The following PLEKHA7 variants were observed in gnomAD, a reference collection of about 807,000 sequenced individuals.
The protein encoded by PLEKHA7 is pleckstrin homology domain containing A7.
PLEKHA7 carries 104 observed loss-of-function variants against 170.0 expected under a neutral mutation model. The observed-to-expected ratio is 0.61, with a 90% CI of 0.52 to 0.72. The LOEUF is 0.72. Among genes scored for constraint, PLEKHA7 ranks in the 30% least tolerant of loss-of-function variants. The probability of loss-of-function intolerance (pLI) is 0.00; values close to 1 mark genes in which losing one functional copy is unlikely to be tolerated. For missense variants in PLEKHA7, 1,615 were observed against 1,671.7 expected, an observed-to-expected ratio of 0.97 and a Z score of 0.59; for synonymous variants, 648 against 660.8, an observed-to-expected ratio of 0.98 and a Z score of 0.30.
intron 3 of PLEKHA7, among the ~76,000 whole-genome samples, chr11:16,892,432 G>GTGTGTTT (rs1554964931): frequency 7.2e-4 from 83 of 115,022 alleles, no homozygotes; most frequent in South Asian, 5.3e-3. Flanking sequence ...GTGTGTGTGT[G>GTGTGTTT]TGTTTTGTTT....
rs775136335 is a variant in PLEKHA7, at chr11:16,822,502, GAAAAAAAAA to G, written c.1343+3609_1343+3617del. Among the ~76,000 whole-genome samples the G allele has an allele frequency of 1.3e-4, 10 of 78,928 alleles. No homozygotes were observed. In the East Asian group the frequency reaches 1.5e-3, roughly 12 times the overall value. 51.8% of individuals were successfully genotyped at this position (78,928 alleles called of 152,430 possible). A position where few individuals can be genotyped will look rare whatever the true frequency, so the allele number is the denominator to read the frequency against. On this transcript the variant is annotated intron_variant, in intron 10 of 26. Coordinates refer to ENST00000531066, the MANE Select transcript of PLEKHA7 (RefSeq NM_001329630.2). ...TCTCAAGTGTCTGCTTTTGGTAGGGGAAAAAAAAAAAAAAAAAAAAAAAAGGAAAGAAGG... is the reference window on the plus strand; with the variant it reads ...TCTCAAGTGTCTGCTTTTGGTAGGGGAAAAAAAAAAAAAAAGGAAAGAAGG...
At chr11:16,838,697 T>TTC (rs1178319877) in intron 9 of PLEKHA7, among the ~76,000 whole-genome samples, 19 of 143,014 alleles carry the variant, frequency 1.3e-4, no homozygotes, top group Non-Finnish European at 2.1e-4. Flanking sequence ...AGTTTTCTTT[T>TTC]TTTTTTTTTT....
At position 16,920,408 on chromosome 11, in the gene PLEKHA7, T is replaced by TC. The variant is rs1859002507; in HGVS notation, c.222-49227dup. Among the ~76,000 whole-genome samples, 4 of 152,052 alleles carry TC rather than the reference T, an allele frequency of 2.6e-5. No homozygotes were observed. The South Asian group carries it at 8.3e-4, about 32-fold the overall frequency. On this transcript the variant is annotated intron_variant, in intron 3 of 26. Coordinates refer to ENST00000531066, the MANE Select transcript of PLEKHA7 (RefSeq NM_001329630.2). Reference sequence around the variant, plus strand: ...ATAAATAACAAGCAAATAGCAAATCTCCCCTGACAAAAACAAATGTCCCCA... The same window carrying TC: ...ATAAATAACAAGCAAATAGCAAATCTCCCCCTGACAAAAACAAATGTCCCCA...
At chr11:16,891,766 A>T (rs1165055485) in intron 3 of PLEKHA7, among the ~76,000 whole-genome samples, 1 of 152,198 alleles carries the variant, frequency 6.6e-6, no homozygotes, top group African/African-American at 2.4e-5. Context: ...CAGAGGAGAA[A>T]GCTGGAGGAA....
intron 3 of PLEKHA7, among the ~76,000 whole-genome samples, chr11:16,898,127 T>C (rs1857111810): frequency 1.3e-5 from 2 of 152,194 alleles, no homozygotes; most frequent in Admixed American, 6.5e-5. Flanking sequence ...CTGCTTTCCA[T>C]GAAGTCACAT....
intron 3 of PLEKHA7, among the ~76,000 whole-genome samples, chr11:16,986,460 T>TG (rs1863732319): frequency 6.6e-6 from 1 of 152,112 alleles, no homozygotes; most frequent in African/African-American, 2.4e-5. Flanking sequence ...CTCCTGGGAA[T>TG]GCTGCAAAGC....
Position 16,866,855 on chromosome 11 carries a change from C to T in PLEKHA7, c.305+4244G>A, listed in dbSNP as rs141476717. On this transcript the variant is annotated intron_variant, in intron 4 of 26. Transcript: ENST00000531066. ...GCCTCTGACCTGTAAAATGAGAAAC[C>T]ATCGTTTGGAGGGGCATGGATGGGT... Among the ~76,000 whole-genome samples, 867 of 152,136 alleles carry T rather than the reference C, an allele frequency of 5.7e-3. 10 individuals are homozygous for T. The highest frequency in any genetic ancestry group is 0.02 in the African/African-American group (826 of 41,504).
At position 16,894,337 on chromosome 11, in the gene PLEKHA7, AAGG is replaced by A. The variant is rs570499609; in HGVS notation, c.222-23158_222-23156del. 9.8e-5 allele frequency among the ~76,000 whole-genome samples: 15 copies of A among 152,338 alleles called. No individual in the cohort carries two copies. In the East Asian group the frequency reaches 1.2e-3, roughly 12 times the overall value. ...AATTTCCTAATGATGCCCATTCAGG[AAGG>A]GAGTCCCAGTTAGAGGAACAGAGCA... On this transcript the variant is annotated intron_variant, in intron 3 of 26. Transcript: ENST00000531066.
At chr11:16,933,544 C>A (rs567240318) in intron 3 of PLEKHA7, among the ~76,000 whole-genome samples, 1 of 152,122 alleles carries the variant, frequency 6.6e-6, no homozygotes, top group Non-Finnish European at 1.5e-5. Context: ...AGACTTCCAG[C>A]GTTTTGGTTT....
At chr11:16,979,253 C>T (rs917907390) in intron 3 of PLEKHA7, among the ~76,000 whole-genome samples, 3 of 152,206 alleles carry the variant, frequency 2.0e-5, no homozygotes, top group Non-Finnish European at 4.4e-5. Flanking sequence ...TGGTCTCGAA[C>T]TCCTAACCTC....
At chr11:16,788,875 G>A in intron 23 of PLEKHA7, 1 of 612,970 alleles carries the variant, frequency 1.6e-6, no homozygotes, top group Non-Finnish European at 2.8e-6. Context: ...CAGGCTCCTG[G>A]GCCTGTTTGA....
intron 3 of PLEKHA7, among the ~76,000 whole-genome samples, chr11:16,994,384 A>G (rs1864218544): frequency 6.6e-6 from 1 of 152,082 alleles, no homozygotes. Flanking sequence ...CTTCTATTTT[A>G]CAGCAGGAGT....
At chr11:16,809,095 G>A (rs1849183632) in intron 13 of PLEKHA7, among the ~76,000 whole-genome samples, 1 of 152,310 alleles carries the variant, frequency 6.6e-6, no homozygotes, top group Admixed American at 6.5e-5. Flanking sequence ...TAATCAATGT[G>A]AGTCCTTTTC....
intron 5 of PLEKHA7, 96 bp downstream of exon 5, chr11:16,855,707 C>A: frequency 1.0e-6 from 1 of 952,424 alleles, no homozygotes; most frequent in Non-Finnish European, 1.6e-6. Flanking sequence ...GTCTCTCTCA[C>A]AAAACTATAG....
At chr11:16,889,400 C>CAAAAAAAAAAAAAAAA (rs869268116) in intron 3 of PLEKHA7, among the ~76,000 whole-genome samples, 2 of 52,740 alleles carry the variant, frequency 3.8e-5, no homozygotes, top group Non-Finnish European at 8.7e-5. Context: ...CTTTATTGCT[C>CAAAAAAAAAAAAAAAA]AAAAAAAAAA....
At chr11:16,892,641 T>TTTC (rs1554965016) in intron 3 of PLEKHA7, among the ~76,000 whole-genome samples, 7 of 141,222 alleles carry the variant, frequency 5.0e-5, no homozygotes, top group East Asian at 2.1e-4. Flanking sequence ...TTTTTTTTTT[T>TTTC]CGTATTTTTA....
chr11:16,916,046 A>T (rs1008195841), intron 3 of PLEKHA7, among the ~76,000 whole-genome samples: 2 of 150,312 alleles, frequency 1.3e-5, no homozygotes, highest in African/African-American at 4.9e-5. Flanking sequence ...CTTTTTAATG[A>T]TTGCCATTCT....
chr11:16,934,315 T>C lies in PLEKHA7; in HGVS notation c.222-63133A>G, dbSNP rs540410373. Among the ~76,000 whole-genome samples the C allele has an allele frequency of 6.6e-5, 10 of 152,236 alleles. 1 individual carries two copies. Among genetic ancestry groups the C allele is most frequent in the East Asian group, 1.9e-4 (1 of 5,174 alleles). ...TCAGGCTACAGCATTTCCAGAAAAA[T>C]GCCAACCTCGCTTGATAAAATACTT... On this transcript the variant is annotated intron_variant, in intron 3 of 26. Coordinates refer to ENST00000531066, the MANE Select transcript of PLEKHA7 (RefSeq NM_001329630.2).
chr11:16,807,583 T>C (rs1246657047), intron 13 of PLEKHA7, among the ~76,000 whole-genome samples: 2 of 151,996 alleles, frequency 1.3e-5, no homozygotes, highest in East Asian at 3.8e-4. Flanking sequence ...GGGAACTTGC[T>C]TCTTCTTTTG....
Sources: allele counts gnomAD v4.1 joint callset (sites outside exome capture counted in the v4.1 genomes callset), GRCh38; gene constraint gnomAD v4.1.1; transcripts MANE v1.5; gene names NCBI Gene and HGNC (gene_info 2026-07-23, HGNC 2026-07-21).